APPL2: variants seen among roughly 807,000 people sequenced by gnomAD.
APPL2 encodes DCC-interacting protein 13-beta.
In APPL2, 84 loss-of-function variants were observed where a neutral mutation model predicts 92.7. The ratio of observed to expected loss-of-function variants is 0.91; its 90% CI spans 0.76 to 1.09. APPL2 has a LOEUF of 1.09. Among genes scored for constraint, APPL2 ranks in the 50% least tolerant of loss-of-function variants. The pLI is 0.00. For synonymous variants in APPL2, 291 were observed against 291.0 expected (o/e 1.00, Z 0.00); for missense variants, 736 against 824.5 (o/e 0.89, Z 1.31).
chr12:105,174,876 T>TGGGGGGGG (rs59473626), intron 20 of APPL2, among the ~76,000 whole-genome samples: 4 of 89,016 alleles, frequency 4.5e-5, no homozygotes, highest in Admixed American at 1.2e-4. Context: ...TTTTTTTTGG[T>TGGGGGGGG]GGGGGGGGGG....
rs1200276114 is a variant in APPL2, at chr12:105,173,305, A to G, written c.*1009T>C. On this transcript the variant is annotated 3_prime_UTR_variant, in exon 21 of 21. Coordinates refer to ENST00000258530, the MANE Select transcript of APPL2 (RefSeq NM_018171.5). Reference sequence around the variant, plus strand: ...AATAACCACATCTAACGAAAGAAACAGAATATTTTTTATTGCTAGGTTAAT... The same window carrying G: ...AATAACCACATCTAACGAAAGAAACGGAATATTTTTTATTGCTAGGTTAAT... 6.6e-6 allele frequency: 1 copy of G among 152,054 alleles called. No homozygotes were observed. Among genetic ancestry groups the G allele is most frequent in the African/African-American group, 2.4e-5 (1 of 41,302 alleles). The allele number at this position is 152,054 out of a possible 1,614,324, so 9.4% of individuals were successfully genotyped here.
chr12:105,195,712 G>T, intron 11 of APPL2, 85 bp from the exon 12 acceptor site: 1 of 1,489,828 alleles, frequency 6.7e-7, no homozygotes, highest in Non-Finnish European at 9.3e-7. Flanking sequence ...CTTAGCTGGG[G>T]TGTGGGAGGA....
chr12:105,180,689 G>T (rs1362113997), intron 17 of APPL2, among the ~76,000 whole-genome samples: 1 of 152,178 alleles, frequency 6.6e-6, no homozygotes, highest in Non-Finnish European at 1.5e-5. Context: ...CACATCCCTT[G>T]TAAGTTGTAT....
intron 1 of APPL2, 96 bp from the exon 2 acceptor site, chr12:105,229,319 A>G: frequency 8.8e-7 from 1 of 1,141,458 alleles, no homozygotes; most frequent in African/African-American, 1.6e-5. Flanking sequence ...CAGAAACCAG[A>G]ATGCGAGGAA....
chr12:105,179,538 T>C (rs1489400151), intron 17 of APPL2, among the ~76,000 whole-genome samples: 1 of 152,230 alleles, frequency 6.6e-6, no homozygotes, highest in Non-Finnish European at 1.5e-5. Flanking sequence ...TTTCTGGTTC[T>C]AGATCCTTGA....
In APPL2 at chr12:105,199,489, C is replaced by T. The variant is rs2135975010; in HGVS notation, c.747G>A (p.Val249=). The T allele has an allele frequency of 2.5e-6, 4 of 1,614,060 alleles. No homozygotes were observed. The South Asian group carries it at 3.3e-5, about 13-fold the overall frequency. The part of the protein sequence containing the change: ...ELEAEAEKMR[V]SQQELLSVDE... Reference sequence around the variant, plus strand: ...CAACAGAAAGTAATTCTTGCTGGGACACCCGCATCTTTTCCGCCTCGGCTT... The same window carrying T: ...CAACAGAAAGTAATTCTTGCTGGGATACCCGCATCTTTTCCGCCTCGGCTT... The change falls in exon 10 of 21, where the codon GTG becomes GTA. Residue 249 remains valine (V), a synonymous_variant. Coordinates refer to ENST00000258530, the MANE Select transcript of APPL2 (RefSeq NM_018171.5).
chr12:105,186,640 T>TC (rs1490933846), intron 17 of APPL2, among the ~76,000 whole-genome samples: 4 of 126,256 alleles, frequency 3.2e-5, no homozygotes, highest in African/African-American at 1.1e-4. Flanking sequence ...ATATATCATA[T>TC]ATATGATATC....
rs751337619 is a variant in APPL2, at chr12:105,207,211, G to C, written c.475-4C>G. Reference sequence around the variant, plus strand: ...CTTTTCCGACTTCGGTCTTCACCTGGTTAAAAGGTGAAAGGAAAACTTCAA... The same window carrying C: ...CTTTTCCGACTTCGGTCTTCACCTGCTTAAAAGGTGAAAGGAAAACTTCAA... On this transcript the variant is annotated splice_region_variant and splice_polypyrimidine_tract_variant and intron_variant, in intron 7 of 20. Coordinates refer to ENST00000258530, the MANE Select transcript of APPL2 (RefSeq NM_018171.5). 22 of 1,609,906 alleles carry C rather than the reference G, an allele frequency of 1.4e-5. No individual in the cohort carries two copies. The Admixed American group carries it at 3.6e-4, about 26-fold the overall frequency.
chr12:105,184,490 T>C (rs775929921), intron 17 of APPL2, among the ~76,000 whole-genome samples: 9 of 152,238 alleles, frequency 5.9e-5, no homozygotes, highest in Non-Finnish European at 1.3e-4. Flanking sequence ...GCTTTCTGTT[T>C]GTTAGTTTTC....
At chr12:105,229,841 C>T (rs749861813) in intron 1 of APPL2, 24 of 837,610 alleles carry the variant, frequency 2.9e-5, no homozygotes, top group East Asian at 1.2e-4. Flanking sequence ...TGCAATGGTG[C>T]GATCTCGGCT....
At chr12:105,223,022 C>T (rs1395535425) in intron 2 of APPL2, among the ~76,000 whole-genome samples, 1 of 152,184 alleles carries the variant, frequency 6.6e-6, no homozygotes, top group African/African-American at 2.4e-5. Context: ...CAGCCAGCAA[C>T]AAGACAAGAG....
chr12:105,219,259 C>T (rs1317709463), intron 2 of APPL2, among the ~76,000 whole-genome samples: 1 of 152,316 alleles, frequency 6.6e-6, no homozygotes, highest in African/African-American at 2.4e-5. Context: ...TGACCCTCTT[C>T]GCAGACAACT....
At chr12:105,223,406 G>A (rs1890263986) in intron 2 of APPL2, among the ~76,000 whole-genome samples, 1 of 152,210 alleles carries the variant, frequency 6.6e-6, no homozygotes, top group South Asian at 2.1e-4. Context: ...GGATTCCAAA[G>A]GAATTCTGCA....
intron 11 of APPL2, among the ~76,000 whole-genome samples, 155 bp downstream of exon 11, chr12:105,197,610 A>G (rs541459412): frequency 6.6e-6 from 1 of 152,306 alleles, no homozygotes; most frequent in African/African-American, 2.4e-5. Context: ...GGCTTGTTTA[A>G]AGAGAGCAGA....
intron 14 of APPL2, among the ~76,000 whole-genome samples, chr12:105,194,462 G>A (rs944482635): frequency 5.9e-5 from 9 of 152,140 alleles, no homozygotes; most frequent in East Asian, 1.9e-4. Context: ...AAGCTGAGGC[G>A]GGTGGATCAC....
chr12:105,209,215 G>T (rs1266430522), intron 5 of APPL2, among the ~76,000 whole-genome samples: 1 of 152,124 alleles, frequency 6.6e-6, no homozygotes, highest in African/African-American at 2.4e-5. Context: ...GCCGAGAAAT[G>T]TAAGATAAAA....
chr12:105,211,432 G>A (rs959580498), intron 4 of APPL2, 115 bp from the exon 5 acceptor site: 21 of 700,558 alleles, frequency 3.0e-5, no homozygotes, highest in Non-Finnish European at 4.7e-5. Flanking sequence ...AGCTCAGGCA[G>A]ACTTCCTCAG....
At chr12:105,181,580 C>T (rs1886118552) in intron 17 of APPL2, among the ~76,000 whole-genome samples, 1 of 152,106 alleles carries the variant, frequency 6.6e-6, no homozygotes, top group South Asian at 2.1e-4. Context: ...GCTGTGAATC[C>T]ATCTGGTCCT....
chr12:105,233,247 T>C (rs1297444057), intron 1 of APPL2: 15 of 985,358 alleles, frequency 1.5e-5, no homozygotes, highest in Non-Finnish European at 1.8e-5. Context: ...GTCACTCTTA[T>C]TTATCTTCAC....
Sources: allele counts gnomAD v4.1 joint callset (sites outside exome capture counted in the v4.1 genomes callset), GRCh38; gene constraint gnomAD v4.1.1; transcripts MANE v1.5; gene names NCBI Gene and HGNC (gene_info 2026-07-23, HGNC 2026-07-21).